The following HPCAL1 variants were observed in gnomAD, a reference collection of about 807,000 sequenced individuals.
The protein encoded by HPCAL1 is hippocalcin-like protein 1.
Under a neutral mutation model 17.1 loss-of-function variants are expected in HPCAL1, and 8 were observed. The observed-to-expected ratio is 0.47, with a 90% CI of 0.27 to 0.84. The LOEUF (loss-of-function observed/expected upper bound fraction) is 0.84. HPCAL1 is among the 40% of genes least tolerant of loss of function. HPCAL1 has a pLI of 0.13. For missense variants in HPCAL1, 165 were observed against 271.1 expected (o/e 0.61, Z 2.75); for synonymous variants, 112 against 111.4 (o/e 1.01, Z -0.03).
intron 1 of HPCAL1, among the ~76,000 whole-genome samples, chr2:10,357,516 T>C (rs1666230920): frequency 6.6e-6 from 1 of 152,146 alleles, no homozygotes; most frequent in Admixed American, 6.5e-5. Flanking sequence ...AGAATTCTGC[T>C]CTGATTGGCT....
chr2:10,319,171 AT>A (rs1663511666), intron 1 of HPCAL1, among the ~76,000 whole-genome samples: 1 of 152,144 alleles, frequency 6.6e-6, no homozygotes, highest in South Asian at 2.1e-4. Flanking sequence ...GGTTTCCTTG[AT>A]GGGTTCCTGG....
chr2:10,355,335 C>T (rs1186676169), intron 1 of HPCAL1, among the ~76,000 whole-genome samples: 1 of 149,310 alleles, frequency 6.7e-6, no homozygotes, highest in East Asian at 2.0e-4. Context: ...CCTGTAGTCC[C>T]AGCTACTTGG....
intron 2 of HPCAL1, among the ~76,000 whole-genome samples, chr2:10,412,395 T>C (rs1271191752): frequency 6.6e-6 from 1 of 152,166 alleles, no homozygotes; most frequent in Non-Finnish European, 1.5e-5. Context: ...GAAAGCCTGG[T>C]TGAGAAATGC....
In HPCAL1 at chr2:10,377,795, T is replaced by C. The variant is rs1462912160; in HGVS notation, c.-110-19040T>C. Among the ~76,000 whole-genome samples, 1 of 151,594 alleles carries C rather than the reference T, an allele frequency of 6.6e-6. No individual in the cohort carries two copies. The highest frequency in any genetic ancestry group is 2.4e-5 in the African/African-American group (1 of 41,150). The stretch of plus-strand genomic sequence containing the variant: ...ACAGAAACATAAAGGGACACCAGAA[T>C]CCCCATCCCCATCCCCAGGGTGGTG... On this transcript the variant is annotated intron_variant, in intron 1 of 4. Coordinates refer to ENST00000307845, the MANE Select transcript of HPCAL1 (RefSeq NM_002149.4). This position sits in a 1 kb window ranked among gnomAD's most constrained non-coding sequence, Gnocchi z 5.9.
intron 1 of HPCAL1, among the ~76,000 whole-genome samples, chr2:10,356,850 C>T (rs1032874323): frequency 1.3e-5 from 2 of 152,172 alleles, no homozygotes; most frequent in African/African-American, 2.4e-5. Flanking sequence ...CTCCTCCCTG[C>T]GGGGCCACCC....
intron 1 of HPCAL1, among the ~76,000 whole-genome samples, chr2:10,351,184 A>G (rs1665821635): frequency 1.3e-5 from 2 of 152,284 alleles, no homozygotes; most frequent in African/African-American, 4.8e-5. Context: ...ATGGATAAAC[A>G]AAATGTAGTC....
At chr2:10,318,162 C>T (rs1663437011) in intron 1 of HPCAL1, among the ~76,000 whole-genome samples, 1 of 152,094 alleles carries the variant, frequency 6.6e-6, no homozygotes, top group Non-Finnish European at 1.5e-5. Context: ...AAGCTCTTTA[C>T]ACTTCCTAGG....
chr2:10,306,278 T>C (rs535443836), intron 1 of HPCAL1, among the ~76,000 whole-genome samples: 9 of 152,092 alleles, frequency 5.9e-5, no homozygotes, highest in Admixed American at 2.6e-4. Flanking sequence ...CAGGCCAGGA[T>C]TGATGGGGGA....
intron 1 of HPCAL1, among the ~76,000 whole-genome samples, chr2:10,350,679 C>T (rs1039586936): frequency 4.6e-5 from 7 of 152,006 alleles, no homozygotes; most frequent in Non-Finnish European, 7.4e-5. Context: ...AAAATATTTG[C>T]GAATTGTATA....
intron 1 of HPCAL1, among the ~76,000 whole-genome samples, chr2:10,329,808 G>A (rs1458763978): frequency 6.6e-6 from 1 of 152,260 alleles, no homozygotes; most frequent in African/African-American, 2.4e-5. Context: ...GGAATGCAAA[G>A]TTCATGGTTC....
intron 1 of HPCAL1, among the ~76,000 whole-genome samples, chr2:10,357,525 CT>C (rs1666231687): frequency 6.6e-6 from 1 of 152,166 alleles, no homozygotes; most frequent in Non-Finnish European, 1.5e-5. Flanking sequence ...CTCTGATTGG[CT>C]TTAGATCGTC....
chr2:10,319,569 C>T (rs1663536219), intron 1 of HPCAL1, among the ~76,000 whole-genome samples: 1 of 11,122 alleles, frequency 9.0e-5, no homozygotes, highest in Non-Finnish European at 1.9e-4. Context: ...GGCTGACGGG[C>T]AGGTGGGGTG....
rs1039494087 is a variant in HPCAL1 at position 10,367,984 on chromosome 2, G to A, written c.-110-28851G>A. Among the ~76,000 whole-genome samples, 2 of 151,904 alleles carry A rather than the reference G, an allele frequency of 1.3e-5. No homozygotes were observed. The highest frequency in any genetic ancestry group is 2.4e-5 in the African/African-American group (1 of 41,340). On this transcript the variant is annotated intron_variant, in intron 1 of 4. Coordinates refer to ENST00000307845, the MANE Select transcript of HPCAL1 (RefSeq NM_002149.4). This position sits in a 1 kb window ranked among gnomAD's most constrained non-coding sequence, Gnocchi z 4.4. ...GGTGTGTGCATGTGTGTATATACCT[G>A]TGTAGGTGTGTATGTGTGTACATGT...
At chr2:10,383,318 G>T (rs1294073025) in intron 1 of HPCAL1, among the ~76,000 whole-genome samples, 1 of 152,080 alleles carries the variant, frequency 6.6e-6, no homozygotes. Context: ...GCTGCAGTGA[G>T]CCAAGATCGC....
rs2148055619 is a variant in HPCAL1, at chr2:10,427,003, C to T, written c.*182C>T. On this transcript the variant is annotated 3_prime_UTR_variant, in exon 5 of 5. Transcript: ENST00000307845. ...CCTCCACCTGACCAACGCGACATTCCTCCCCTCACGCCTGGCCCGGTCCCT... is the reference window on the plus strand; with the variant it reads ...CCTCCACCTGACCAACGCGACATTCTTCCCCTCACGCCTGGCCCGGTCCCT... 2 of 606,318 alleles carry T rather than the reference C, an allele frequency of 3.3e-6. No homozygotes were observed. The highest frequency in any genetic ancestry group is 2.8e-5 in the East Asian group (1 of 35,448). 37.6% of individuals were successfully genotyped at this position (606,318 alleles called of 1,614,324 possible).
intron 1 of HPCAL1, chr2:10,368,764 A>T (rs1322170636): frequency 6.6e-6 from 1 of 152,052 alleles, no homozygotes; most frequent in Non-Finnish European, 1.5e-5. Context: ...TTGGGCTTGA[A>T]CTGATGTGTG....
chr2:10,314,487 T>C (rs1382375818), intron 1 of HPCAL1, among the ~76,000 whole-genome samples: 1 of 152,180 alleles, frequency 6.6e-6, no homozygotes, highest in East Asian at 1.9e-4. Flanking sequence ...AGTGGGATAT[T>C]CACTGTGGGA....
intron 1 of HPCAL1, among the ~76,000 whole-genome samples, chr2:10,369,769 A>C (rs927222418): frequency 6.6e-6 from 1 of 152,214 alleles, no homozygotes; most frequent in African/African-American, 2.4e-5. Context: ...ATAATAATGA[A>C]TATGCCGTGT....
intron 3 of HPCAL1, among the ~76,000 whole-genome samples, chr2:10,420,352 G>A (rs948872503): frequency 2.0e-5 from 3 of 151,516 alleles, no homozygotes; most frequent in Admixed American, 6.6e-5. Context: ...TCCATGCCCT[G>A]TTAATTTTTT....
Sources: allele counts gnomAD v4.1 joint callset (sites outside exome capture counted in the v4.1 genomes callset), GRCh38; gene constraint gnomAD v4.1.1; non-coding constraint Gnocchi (gnomAD v3.1); transcripts MANE v1.5; gene names NCBI Gene and HGNC (gene_info 2026-07-23, HGNC 2026-07-21).